SNX27: variants seen among roughly 807,000 people sequenced by gnomAD.
SNX27 encodes sorting nexin 27, also known as sorting nexin-27.
Under a neutral mutation model 71.6 loss-of-function variants are expected in SNX27, and 22 were observed. That is an observed-to-expected ratio of 0.31 (90% confidence interval 0.22 to 0.44). The LOEUF (loss-of-function observed/expected upper bound fraction) is 0.44, where lower values mean the gene tolerates loss of function less well. Among genes scored for constraint, SNX27 ranks in the 20% least tolerant of loss-of-function variants. SNX27 has a pLI of 1.00. For missense variants in SNX27, 531 were observed against 698.6 expected (o/e 0.76, Z 2.70); for synonymous variants, 269 against 277.2 (o/e 0.97, Z 0.29).
chr1:151,619,829 C>T (rs1311375043), intron 1 of SNX27, among the ~76,000 whole-genome samples: 19 of 152,184 alleles, frequency 1.2e-4, no homozygotes, highest in Admixed American at 1.2e-3. Context: ...AACTGCTTGG[C>T]TTGTATGAGT....
At chr1:151,619,940 G>A (rs771462579) in intron 1 of SNX27, among the ~76,000 whole-genome samples, 2 of 152,200 alleles carry the variant, frequency 1.3e-5, no homozygotes, top group Non-Finnish European at 2.9e-5. Flanking sequence ...AGAGATAAAT[G>A]AAAAGCACAA....
At chr1:151,639,580 C>A (rs915183229) in intron 2 of SNX27, among the ~76,000 whole-genome samples, 1 of 152,202 alleles carries the variant, frequency 6.6e-6, no homozygotes, top group African/African-American at 2.4e-5. Flanking sequence ...CTCTACTCTT[C>A]TTTCCACATC....
At chr1:151,691,806 G>A (rs898094883) in intron 8 of SNX27, among the ~76,000 whole-genome samples, 6 of 148,310 alleles carry the variant, frequency 4.0e-5, no homozygotes, top group African/African-American at 1.5e-4. Flanking sequence ...GAGCCACCGC[G>A]CCTGGCCTGT....
intron 6 of SNX27, chr1:151,666,541 C>T (rs1339350010): frequency 6.6e-6 from 1 of 152,192 alleles, no homozygotes; most frequent in Non-Finnish European, 1.5e-5. Context: ...ATGGTGGTCA[C>T]ATTGGTTGCA....
At chr1:151,682,035 A>G (rs760740374) in intron 7 of SNX27, among the ~76,000 whole-genome samples, 4 of 152,194 alleles carry the variant, frequency 2.6e-5, no homozygotes, top group Admixed American at 6.5e-5. Context: ...CACTGTCTGT[A>G]CCATACATGT....
intron 4 of SNX27, among the ~76,000 whole-genome samples, chr1:151,661,799 A>G (rs924288214): frequency 1.3e-5 from 2 of 152,192 alleles, no homozygotes; most frequent in Non-Finnish European, 2.9e-5. Flanking sequence ...AATACCAGAG[A>G]ATATACATCG....
intron 1 of SNX27, among the ~76,000 whole-genome samples, chr1:151,619,621 T>G (rs1401907035): frequency 6.6e-6 from 1 of 152,098 alleles, no homozygotes; most frequent in Non-Finnish European, 1.5e-5. Context: ...TTTTTTAGTT[T>G]GTTCATATTT....
chr1:151,672,676 T>C (rs1670495605), intron 7 of SNX27, among the ~76,000 whole-genome samples: 1 of 152,166 alleles, frequency 6.6e-6, no homozygotes. Flanking sequence ...TTGCTTGTTA[T>C]TAGTATGTTC....
chr1:151,688,925 A>G (rs2102735433), intron 8 of SNX27, among the ~76,000 whole-genome samples: 1 of 152,188 alleles, frequency 6.6e-6, no homozygotes, highest in African/African-American at 2.4e-5. Flanking sequence ...GCCCAATCTG[A>G]GCTCTCTGAA....
chr1:151,681,235 C>CTTTTTTTTTTTTTTTTTT lies in SNX27; in HGVS notation c.1150-2114_1150-2097dup. 8.6e-4 allele frequency among the ~76,000 whole-genome samples: 52 copies of CTTTTTTTTTTTTTTTTTT among 60,698 alleles called. 5 individuals carry two copies. The highest frequency in any genetic ancestry group is 1.3e-3 in the Non-Finnish European group (40 of 31,686). 39.8% of individuals were successfully genotyped at this position (60,698 alleles called of 152,430 possible). A position where few individuals can be genotyped will look rare whatever the true frequency, so the allele number is the denominator to read the frequency against. ...CTAGAAGTTGAATTAGTCTCTCAATCTTTTTTTTTTTTTTTTTTTTTTTTG... is the reference window on the plus strand; with the variant it reads ...CTAGAAGTTGAATTAGTCTCTCAATCTTTTTTTTTTTTTTTTTTTTTTTTTTTTTTTTTTTTTTTTTTG... On this transcript the variant is annotated intron_variant, in intron 7 of 11. Transcript: ENST00000458013.
chr1:151,671,306 C>T (rs1432182846), intron 7 of SNX27, among the ~76,000 whole-genome samples: 1 of 151,116 alleles, frequency 6.6e-6, no homozygotes, highest in East Asian at 2.0e-4. Context: ...GGCATGATCA[C>T]AACTCACTGC....
At chr1:151,683,769 C>T (rs190807032) in intron 8 of SNX27, among the ~76,000 whole-genome samples, 4 of 152,070 alleles carry the variant, frequency 2.6e-5, no homozygotes, top group South Asian at 2.1e-4. Flanking sequence ...TGGGTTCAAG[C>T]GATTCTCCTG....
chr1:151,675,423 T>A (rs1384968426), intron 7 of SNX27, among the ~76,000 whole-genome samples: 1 of 152,158 alleles, frequency 6.6e-6, no homozygotes, highest in Non-Finnish European at 1.5e-5. Flanking sequence ...GTTATAATTC[T>A]AATACAGATA....
intron 1 of SNX27, among the ~76,000 whole-genome samples, chr1:151,637,739 T>C (rs538771356): frequency 6.6e-6 from 1 of 152,342 alleles, no homozygotes; most frequent in Admixed American, 6.5e-5. Context: ...ATATTTCAGA[T>C]ACCAGACTCT....
intron 3 of SNX27, chr1:151,659,546 C>A (rs888400242): frequency 1.1e-4 from 17 of 152,288 alleles, no homozygotes; most frequent in Admixed American, 1.0e-3. Context: ...TGCACCTGAC[C>A]CTGTATTGAA....
chr1:151,626,108 G>A (rs1193378949), intron 1 of SNX27, among the ~76,000 whole-genome samples: 1 of 151,956 alleles, frequency 6.6e-6, no homozygotes, highest in Non-Finnish European at 1.5e-5. Context: ...CACCCTGGGC[G>A]ACAGAGCGAG....
intron 7 of SNX27, chr1:151,679,071 A>G (rs1008226178): frequency 1.3e-5 from 2 of 152,120 alleles, no homozygotes; most frequent in African/African-American, 4.8e-5. Context: ...TAAGTAAACA[A>G]CTGTATCTTT....
chr1:151,663,570 G>GAATA (rs1670059104), intron 5 of SNX27, among the ~76,000 whole-genome samples: 1 of 151,846 alleles, frequency 6.6e-6, no homozygotes, highest in African/African-American at 2.4e-5. Context: ...CCCATATTCT[G>GAATA]AATATATCTG....
At chr1:151,634,305 G>T (rs1316620764) in intron 1 of SNX27, among the ~76,000 whole-genome samples, 3 of 152,166 alleles carry the variant, frequency 2.0e-5, no homozygotes, top group Non-Finnish European at 4.4e-5. Flanking sequence ...TTTCGTGCAT[G>T]TCACAGAGGG....
Sources: allele counts gnomAD v4.1 joint callset (sites outside exome capture counted in the v4.1 genomes callset), GRCh38; gene constraint gnomAD v4.1.1; transcripts MANE v1.5; gene names NCBI Gene and HGNC (gene_info 2026-07-23, HGNC 2026-07-21).